Variants in IQCK observed in about 807,000 individuals in gnomAD.
The protein encoded by IQCK is IQ motif containing K, also known as IQ domain-containing protein K.
Under a neutral mutation model 28.1 loss-of-function variants are expected in IQCK, and 29 were observed. That is an observed-to-expected ratio of 1.03 (90% CI 0.77 to 1.41). The LOEUF is 1.41. IQCK is among the 40% of genes most tolerant of loss of function. IQCK has a pLI of 0.00. For synonymous variants in IQCK, 113 were observed against 115.1 expected (o/e 0.98, Z 0.12); for missense variants, 359 against 314.7 (o/e 1.14, Z -1.07).
chr16:19,844,958 G>A (rs765492128), intron 9 of IQCK, among the ~76,000 whole-genome samples: 2 of 152,080 alleles, frequency 1.3e-5, no homozygotes, highest in African/African-American at 2.4e-5. Flanking sequence ...ACAGGCACAC[G>A]TCACCATGCC....
intron 6 of IQCK, among the ~76,000 whole-genome samples, chr16:19,766,258 G>T (rs1360299214): frequency 1.3e-5 from 2 of 152,242 alleles, no homozygotes; most frequent in Non-Finnish European, 2.9e-5. Context: ...ATAAAGTATG[G>T]CCCTGGCCCC....
intron 7 of IQCK, among the ~76,000 whole-genome samples, chr16:19,807,213 T>C (rs1393444834): frequency 6.6e-6 from 1 of 152,168 alleles, no homozygotes; most frequent in Non-Finnish European, 1.5e-5. Context: ...TGGAAGTGGA[T>C]CCTCCAGCCC....
intron 6 of IQCK, among the ~76,000 whole-genome samples, chr16:19,773,854 A>G (rs1475234198): frequency 6.6e-6 from 1 of 152,226 alleles, no homozygotes; most frequent in East Asian, 1.9e-4. Flanking sequence ...AGAAAAGTTT[A>G]TGATTACATC....
intron 4 of IQCK, among the ~76,000 whole-genome samples, chr16:19,751,103 G>A (rs2151698987): frequency 6.6e-6 from 1 of 152,202 alleles, no homozygotes; most frequent in African/African-American, 2.4e-5. Context: ...TATTAAGTGG[G>A]GAAGTGATAA....
At chr16:19,838,293 G>A (rs936557093) in intron 9 of IQCK, among the ~76,000 whole-genome samples, 2 of 152,174 alleles carry the variant, frequency 1.3e-5, no homozygotes, top group East Asian at 1.9e-4. Context: ...GAGTAAATCC[G>A]GAAGTTTAGA....
chr16:19,826,795 C>G (rs1461685934), intron 7 of IQCK, among the ~76,000 whole-genome samples: 1 of 152,234 alleles, frequency 6.6e-6, no homozygotes, highest in East Asian at 1.9e-4. Context: ...TTGGACAGCA[C>G]ACACCTATTC....
intron 6 of IQCK, among the ~76,000 whole-genome samples, chr16:19,781,223 T>G (rs1173339242): frequency 6.6e-6 from 1 of 152,218 alleles, no homozygotes; most frequent in East Asian, 1.9e-4. Context: ...TGGGAATATT[T>G]TATCAAGAAA....
intron 6 of IQCK, among the ~76,000 whole-genome samples, chr16:19,773,278 T>C (rs1364343117): frequency 1.5e-4 from 23 of 152,092 alleles, no homozygotes; most frequent in Admixed American, 1.5e-3. Context: ...CTGACAAGTA[T>C]TGTGGTGCTG....
chr16:19,854,219 G>A (rs907457187), intron 9 of IQCK, among the ~76,000 whole-genome samples: 9 of 152,208 alleles, frequency 5.9e-5, no homozygotes, highest in Non-Finnish European at 1.3e-4. Context: ...CAAGCAGCCA[G>A]GGTAGAAAAC....
chr16:19,831,264 G>A (rs896325786), downstream of IQCK, among the ~76,000 whole-genome samples: 1 of 152,172 alleles, frequency 6.6e-6, no homozygotes, highest in African/African-American at 2.4e-5. Context: ...CATGACATAT[G>A]ACCTGTTCAG....
chr16:19,823,650 G>A (rs1010822080), intron 7 of IQCK, among the ~76,000 whole-genome samples: 3 of 152,246 alleles, frequency 2.0e-5, no homozygotes, highest in South Asian at 2.1e-4. Context: ...AAAATGAATG[G>A]AGCTGGCTGG....
chr16:19,727,142 A>AT (rs1190355605), intron 1 of IQCK, among the ~76,000 whole-genome samples: 1 of 147,568 alleles, frequency 6.8e-6, no homozygotes, highest in Non-Finnish European at 1.5e-5. Flanking sequence ...AAAAAAAAAA[A>AT]AGAAAGAAAG....
chr16:19,855,446 C>T (rs1468175061), intron 9 of IQCK, among the ~76,000 whole-genome samples: 1 of 152,152 alleles, frequency 6.6e-6, no homozygotes, highest in Non-Finnish European at 1.5e-5. Context: ...CAAAAAGTAG[C>T]AGGGCGTGGT....
downstream of IQCK, among the ~76,000 whole-genome samples, chr16:19,830,782 C>G (rs920939977): frequency 1.3e-5 from 2 of 152,080 alleles, no homozygotes; most frequent in African/African-American, 4.8e-5. Flanking sequence ...TTCCCTTGTG[C>G]AAAATGGGAC....
At chr16:19,766,265 C>T (rs1452057944) in intron 6 of IQCK, among the ~76,000 whole-genome samples, 1 of 152,226 alleles carries the variant, frequency 6.6e-6, no homozygotes, top group African/African-American at 2.4e-5. Context: ...ATGGCCCTGG[C>T]CCCTTGGGGT....
chr16:19,753,168 C>A (rs1273500549), intron 4 of IQCK, among the ~76,000 whole-genome samples: 1 of 151,442 alleles, frequency 6.6e-6, no homozygotes, highest in Non-Finnish European at 1.5e-5. Flanking sequence ...TAATCCCAGA[C>A]ATTTCGAGAT....
At chr16:19,784,102 C>T (rs1267948755) in intron 6 of IQCK, among the ~76,000 whole-genome samples, 1 of 152,192 alleles carries the variant, frequency 6.6e-6, no homozygotes, top group African/African-American at 2.4e-5. Flanking sequence ...GTTTAGCCTT[C>T]CTGACATAGG....
intron 4 of IQCK, among the ~76,000 whole-genome samples, chr16:19,755,359 C>T (rs891029685): frequency 7.2e-5 from 11 of 152,206 alleles, no homozygotes; most frequent in Admixed American, 1.3e-4. Flanking sequence ...ATGGTCCACC[C>T]AACAGAGATG....
chr16:19,750,282 G>A (rs185684504), intron 4 of IQCK, among the ~76,000 whole-genome samples: 3 of 151,252 alleles, frequency 2.0e-5, no homozygotes, highest in East Asian at 2.0e-4. Flanking sequence ...GTGTGCCACC[G>A]TGCCTGGCTG....
Sources: allele counts gnomAD v4.1 joint callset (sites outside exome capture counted in the v4.1 genomes callset), GRCh38; gene constraint gnomAD v4.1.1; transcripts MANE v1.5; gene names NCBI Gene and HGNC (gene_info 2026-07-23, HGNC 2026-07-21).